Variants in CEL observed in about 807,000 individuals in gnomAD.
CEL encodes the protein carboxyl ester lipase.
CEL carries 39 observed loss-of-function variants against 57.1 expected under a neutral mutation model. That is an observed-to-expected ratio of 0.68 (90% CI 0.53 to 0.89). CEL has a LOEUF of 0.89. Ranked by LOEUF, CEL falls within the 40% of genes least tolerant of loss-of-function variation. The pLI is 0.00. For synonymous variants in CEL, 314 were observed against 396.6 expected (o/e 0.79, Z 2.48); for missense variants, 698 against 915.0 (o/e 0.76, Z 3.06).
In CEL at chr9:133,065,124, A is replaced by G. The variant is rs201720193; in HGVS notation, c.425A>G (p.Asn142Ser). ...GGCCATGGGGCCAACTTCCTCAACA[A>G]CTACCTGTATGACGGCGAGGAGATC... ...GSGHGANFLNNYLYDGEEIAT... is the reference protein window; with the variant it reads ...GSGHGANFLNSYLYDGEEIAT... The change falls in exon 4 of 11, where the codon AAC becomes AGC. Residue 142 changes from asparagine to serine, a missense_variant. Physicochemically the swap from Asn to Ser is conservative, Grantham distance 46 (BLOSUM62 1). This residue lies in a region of CEL where 327 missense variants were observed against 374.1 expected (regional missense o/e 0.87). Transcript: ENST00000372080. 2.5e-6 allele frequency: 4 copies of G among 1,613,950 alleles called. No homozygotes were observed. The highest frequency in any genetic ancestry group is 2.7e-5 in the African/African-American group (2 of 75,044).
rs78256304 is a variant in CEL at position 133,071,161 on chromosome 9, C to G, written c.1659C>G (p.Thr553=). ...TLTYLALPTV[T]DQEATPVPPT... is the part of the protein sequence containing the mutation. ...CCTATCTGGCGCTGCCCACAGTGAC[C>G]GACCAGGAGGCCACCCCTGTGCCCC... Residue 553 remains threonine (T), a synonymous_variant, in exon 11 of 11, where the codon ACC becomes ACG. Transcript: ENST00000372080. 2,565 of 1,607,670 alleles carry G rather than the reference C, an allele frequency of 1.6e-3. 46 individuals are homozygous for G. In the African/African-American group the frequency reaches 0.031, roughly 20 times the overall value.
rs776394633 is a variant in CEL, at chr9:133,070,473, C to T, written c.1299C>T (p.Thr433=). ...CTCTCCCCTCCAGGAGTGCCAAGAC[C>T]TACGCCTACCTGTTTTCCCATCCCT... ...QHRANAKSAK[T]YAYLFSHPSR... is the part of the protein sequence containing the mutation. Residue 433 remains threonine (T), a synonymous_variant, in exon 10 of 11, where the codon ACC becomes ACT. Transcript: ENST00000372080. The T allele has an allele frequency of 3.1e-5, 50 of 1,613,322 alleles. No individual in the cohort carries two copies. The highest frequency in any genetic ancestry group is 3.9e-5 in the Non-Finnish European group (46 of 1,179,818).
Position 133,067,124 on chromosome 9 carries a change from G to T in CEL, c.814G>T (p.Ala272Ser), listed in dbSNP as rs540843348. The T allele has an allele frequency of 1.9e-6, 3 of 1,614,100 alleles. No individual in the cohort carries two copies. The highest frequency in any genetic ancestry group is 4.5e-5 in the East Asian group (2 of 44,862). ...GGTGGGTTGCCCTGTGGGTGATGCCGCCAGGATGGCCCAGTGTCTGAAGGT... is the reference window on the plus strand; with the variant it reads ...GGTGGGTTGCCCTGTGGGTGATGCCTCCAGGATGGCCCAGTGTCTGAAGGT... ...EKVGCPVGDAARMAQCLKVTD... is the reference protein window; with the variant it reads ...EKVGCPVGDASRMAQCLKVTD... Residue 272 changes from alanine to serine, a missense_variant, in exon 7 of 11, where the codon GCC becomes TCC. Transcript: ENST00000372080.
rs1830242770 is a variant in CEL at position 133,070,527 on chromosome 9, G to A, written c.1353G>A (p.Val451=). The part of the protein sequence containing the change: ...PSRMPVYPKW[V]GADHADDIQY... ...GGATGCCCGTCTACCCCAAATGGGT[G>A]GGGGCCGACCATGCAGATGACATTC... is the stretch of plus-strand genomic sequence containing the variant. Residue 451 remains valine, a synonymous_variant, in exon 10 of 11, where the codon GTG becomes GTA. Transcript: ENST00000372080. 2 of 1,614,048 alleles carry A rather than the reference G, an allele frequency of 1.2e-6. No homozygotes were observed. Among genetic ancestry groups the A allele is most frequent in the Non-Finnish European group, 1.7e-6 (2 of 1,180,014 alleles).
chr9:133,066,666 G>C lies in CEL; in HGVS notation c.669+6G>C. 2.5e-6 allele frequency: 4 copies of C among 1,612,822 alleles called. No homozygotes were observed. The highest frequency in any genetic ancestry group is 3.4e-6 in the Non-Finnish European group (4 of 1,179,382). The stretch of plus-strand genomic sequence containing the variant: ...GTGCCAGCGTCTCTCTGCAGGTCTC[G>C]GGATCCCTGTGGGGAGGGCCTGCCC... On this transcript the variant is annotated splice_donor_region_variant and intron_variant, in intron 5 of 10. Transcript: ENST00000372080. This position sits in a 1 kb window ranked among gnomAD's most constrained non-coding sequence, Gnocchi z 4.3.
At chr9:133,065,260 G>A (rs759242773) in intron 4 of CEL, 23 bp downstream of exon 4, 1 of 1,609,268 alleles carries the variant, frequency 6.2e-7, no homozygotes, top group Non-Finnish European at 8.5e-7. Context: ...CTTCGGCCCT[G>A]AGGTGGGGCG....
At position 133,070,594 on chromosome 9, in the gene CEL, C is replaced by T. The variant is rs749712301; in HGVS notation, c.1420C>T (p.Arg474Trp). Residue 474 changes from arginine (R) to tryptophan (W), a missense_variant, in exon 10 of 11, where the codon CGG (arginine) becomes TGG (tryptophan). Transcript: ENST00000372080. ...GKPFATPTGY[R>W]PQDRTVSKAM... ...GCCCTTCGCCACCCCCACGGGCTACCGGCCCCAAGACAGGACAGTCTCTAA... is the reference window on the plus strand; with the variant it reads ...GCCCTTCGCCACCCCCACGGGCTACTGGCCCCAAGACAGGACAGTCTCTAA... 40 of 1,614,008 alleles carry T rather than the reference C, an allele frequency of 2.5e-5. No homozygotes were observed. In the Admixed American group the frequency reaches 3.2e-4, roughly 13 times the overall value.
chr9:133,063,493 G>A (rs1265910469), intron 1 of CEL, among the ~76,000 whole-genome samples: 1 of 152,174 alleles, frequency 6.6e-6, no homozygotes, highest in Non-Finnish European at 1.5e-5. Flanking sequence ...GCCTGGGGGT[G>A]TAGGGCCACC....
rs373869191 is a variant in CEL at position 133,063,828 on chromosome 9, C to T, written c.67-576C>T. Among the ~76,000 whole-genome samples the T allele has an allele frequency of 2.4e-4, 36 of 152,134 alleles. No individual in the cohort carries two copies. The East Asian group carries it at 2.7e-3, about 11-fold the overall frequency. On this transcript the variant is annotated intron_variant, in intron 1 of 10. Coordinates refer to ENST00000372080, the MANE Select transcript of CEL (RefSeq NM_001807.6). ...TAGGGGGTTCTTTACCAGCAGGGGG[C>T]TCAGGAACTGTGGGGACTTGGGCAT...
rs747569142 is a variant in CEL, at chr9:133,070,995, A to C, written c.1493A>C (p.Asn498Thr). 1.3e-5 allele frequency: 21 copies of C among 1,613,478 alleles called. No homozygotes were observed. Among genetic ancestry groups the C allele is most frequent in the Non-Finnish European group, 1.7e-5 (20 of 1,179,802 alleles). Residue 498 changes from asparagine (N) to threonine (T), a missense_variant, in exon 11 of 11, where the codon AAC (asparagine) becomes ACC (threonine). This residue lies in a region of CEL where 111 missense variants were observed against 147.3 expected (regional missense o/e 0.75). Transcript: ENST00000372080. ...WTNFAKTGDP[N>T]MGDSAVPTHW... ...CTCTTCTCACTCTGCAGGGACCCCA[A>C]CATGGGCGACTCGGCTGTGCCCACA...
In CEL at chr9:133,071,765, C is replaced by A. The variant is rs371489736; in HGVS notation, c.*1C>A. 12 of 1,611,266 alleles carry A rather than the reference C, an allele frequency of 7.4e-6. No homozygotes were observed. Among genetic ancestry groups the A allele is most frequent in the East Asian group, 6.7e-5 (3 of 44,804 alleles). On this transcript the variant is annotated 3_prime_UTR_variant, in exon 11 of 11. Transcript: ENST00000372080. ...GATGCCTGCAGTCATTAGGTTTTAG[C>A]GTCCCATGAGCCTTGGTATCAAGAG... is the stretch of plus-strand genomic sequence containing the variant.
Position 133,071,196 on chromosome 9 carries a change from A to G in CEL, c.1694A>G (p.Asp565Gly). ...QEATPVPPTG[D>G]SEATPVPPTG... ...GCCACCCCTGTGCCCCCCACAGGGGACTCCGAGGCCACTCCCGTGCCCCCC... is the reference window on the plus strand; with the variant it reads ...GCCACCCCTGTGCCCCCCACAGGGGGCTCCGAGGCCACTCCCGTGCCCCCC... Residue 565 changes from aspartate (D) to glycine (G), a missense_variant, in exon 11 of 11, where the codon GAC (aspartate) becomes GGC (glycine). This residue lies in a region of CEL where 238 missense variants were observed against 213.7 expected (regional missense o/e 1.11). Transcript: ENST00000372080. 6.2e-7 allele frequency: 1 copy of G among 1,603,468 alleles called. No individual in the cohort carries two copies.
In CEL at chr9:133,065,215, C is replaced by T. The variant is rs1830158025; in HGVS notation, c.516C>T (p.Ser172=). Residue 172 remains serine, a synonymous_variant, in exon 4 of 11, where the codon AGC becomes AGT. Coordinates refer to ENST00000372080, the MANE Select transcript of CEL (RefSeq NM_001807.6). ...GTGTCGGCCCCCTTGGGTTCCTCAG[C>T]ACTGGGGACGCCAATCTGCCAGGTG... ...NYRVGPLGFL[S]TGDANLPGNY... 1.9e-6 allele frequency: 3 copies of T among 1,613,484 alleles called. No homozygotes were observed. Among genetic ancestry groups the T allele is most frequent in the Middle Eastern group, 1.6e-4 (1 of 6,062 alleles).
rs752364432 is a variant in CEL, at chr9:133,064,645, C to T, written c.223C>T (p.Leu75=). 6.2e-7 allele frequency: 1 copy of T among 1,613,948 alleles called. No individual in the cohort carries two copies. Among genetic ancestry groups the T allele is most frequent in the South Asian group, 1.1e-5 (1 of 91,080 alleles). Residue 75 remains leucine, a synonymous_variant, in exon 3 of 11, where the codon CTG becomes TTG. Transcript: ENST00000372080. Reference sequence around the variant, plus strand: ...CCAACTCCTGCCACCTGCAGGGACCCTGAAGGCCAAGAACTTCAAGAAGAG... The same window carrying T: ...CCAACTCCTGCCACCTGCAGGGACCTTGAAGGCCAAGAACTTCAAGAAGAG... ...PQPHPGWQGT[L]KAKNFKKRCL...
At position 133,066,910 on chromosome 9, in the gene CEL, G is replaced by A. The variant is rs1830186525; in HGVS notation, c.742G>A (p.Val248Ile). 6.6e-7 allele frequency: 1 copy of A among 1,521,144 alleles called. No individual in the cohort carries two copies. Among genetic ancestry groups the A allele is most frequent in the Non-Finnish European group, 8.9e-7 (1 of 1,123,026 alleles). 94.2% of individuals were successfully genotyped at this position (1,521,144 alleles called of 1,614,324 possible). A position where few individuals can be genotyped will look rare whatever the true frequency, so the allele number is the denominator to read the frequency against. Residue 248 changes from valine to isoleucine, a missense_variant, in exon 6 of 11, where the codon GTC becomes ATC. Coordinates refer to ENST00000372080, the MANE Select transcript of CEL (RefSeq NM_001807.6). The surrounding 1 kb of genome is among the most constrained non-coding windows in gnomAD (Gnocchi z 4.3). ...SQSGVALSPWVIQKNPLFWAK... is the reference protein window; with the variant it reads ...SQSGVALSPWIIQKNPLFWAK... ...GAGCGGCGTGGCCCTGAGTCCCTGG[G>A]TCATCCAGAAAAACCCACTCTTCTG...
At chr9:133,068,613 C>A (rs563542937) in intron 7 of CEL, 59 bp from the exon 8 acceptor site, 2 of 1,611,904 alleles carry the variant, frequency 1.2e-6, no homozygotes, top group Non-Finnish European at 1.7e-6. Flanking sequence ...AGGCAAGGGG[C>A]GGCTCAGGGG....
intron 4 of CEL, 114 bp downstream of exon 4, chr9:133,065,351 C>T (rs1434614377): frequency 2.0e-5 from 24 of 1,225,406 alleles, no homozygotes; most frequent in Admixed American, 3.4e-5. Flanking sequence ...CAGAAAGACC[C>T]GGAAGCTGGA....
Position 133,066,835 on chromosome 9 carries a change from T to C in CEL, c.670-3T>C. ...TTGGTGACGGGATTTCTGGGTCCCG[T>C]AGACCCTCTCCCCCTACAACAAGGG... On this transcript the variant is annotated splice_region_variant and splice_polypyrimidine_tract_variant and intron_variant, in intron 5 of 10. Coordinates refer to ENST00000372080, the MANE Select transcript of CEL (RefSeq NM_001807.6). The surrounding 1 kb of genome is among the most constrained non-coding windows in gnomAD (Gnocchi z 4.3). 1.2e-6 allele frequency: 2 copies of C among 1,611,486 alleles called. No homozygotes were observed. The highest frequency in any genetic ancestry group is 1.7e-6 in the Non-Finnish European group (2 of 1,179,176).
chr9:133,063,213 G>A (rs1366412974), intron 1 of CEL, among the ~76,000 whole-genome samples: 1 of 152,186 alleles, frequency 6.6e-6, no homozygotes, highest in Non-Finnish European at 1.5e-5. Context: ...CTTCTTGGGC[G>A]AGCTCTTCTT....
Sources: gnomAD v4.1 joint callset for allele counts (sites outside exome capture counted in the v4.1 genomes callset) on GRCh38, gnomAD v4.1.1 for gene constraint, gnomAD v4.1.1 regional missense constraint, Gnocchi (gnomAD v3.1) non-coding constraint, MANE v1.5 for transcripts, NCBI Gene and HGNC (gene_info 2026-07-23, HGNC 2026-07-21) for gene names.